The following CELF2 variants were observed in gnomAD, a reference collection of about 807,000 sequenced individuals.
CELF2 encodes the protein CUGBP Elav-like family member 2.
CELF2 carries 8 observed loss-of-function variants against 62.6 expected under a neutral mutation model. That is an observed-to-expected ratio of 0.13 (90% CI 0.07 to 0.23). The LOEUF is 0.23. Among genes scored for constraint, CELF2 ranks in the 10% least tolerant of loss-of-function variants. The probability of loss-of-function intolerance (pLI) is 1.00; values close to 1 mark genes in which losing one functional copy is unlikely to be tolerated. For missense variants in CELF2, 333 were observed against 671.0 expected, an observed-to-expected ratio of 0.50 and a Z score of 5.56; for synonymous variants, 258 against 250.0, an observed-to-expected ratio of 1.03 and a Z score of -0.30.
intron 1 of CELF2, among the ~76,000 whole-genome samples, chr10:10,911,218 T>C (rs777511806): frequency 7.9e-5 from 12 of 152,286 alleles, no homozygotes; most frequent in Non-Finnish European, 1.8e-4. Context: ...CCCTTACAGA[T>C]GCCAGCCAGG....
At chr10:10,581,348 C>T in the CELF2 span, among the ~76,000 whole-genome samples, 10 of 152,206 alleles carry the variant, frequency 6.6e-5, no homozygotes, top group South Asian at 2.1e-4. Flanking sequence ...TGAAAACTGC[C>T]GATTTTGATC....
chr10:11,311,198 G>A lies in CELF2; in HGVS notation c.977-2941G>A, dbSNP rs2140455731. Among the ~76,000 whole-genome samples, 1 of 152,254 alleles carries A rather than the reference G, an allele frequency of 6.6e-6. No homozygotes were observed. The highest frequency in any genetic ancestry group is 3.4e-3 in the Middle Eastern group (1 of 294). Reference sequence around the variant, plus strand: ...ATCTCAAAACATAGTGCTGGGTAGGGCCAGGGGAATTTCCCTCTGAGAATT... The same window carrying A: ...ATCTCAAAACATAGTGCTGGGTAGGACCAGGGGAATTTCCCTCTGAGAATT... On this transcript the variant is annotated intron_variant, in intron 9 of 12. Coordinates refer to ENST00000633077, the MANE Select transcript of CELF2 (RefSeq NM_001326342.2). This position sits in a 1 kb window ranked among gnomAD's most constrained non-coding sequence, Gnocchi z 4.7.
rs2094882401 is a variant in CELF2 at position 11,315,354 on chromosome 10, C to T, written c.1096+1096C>T. Among the ~76,000 whole-genome samples the T allele has an allele frequency of 6.6e-6, 1 of 152,044 alleles. No individual in the cohort carries two copies. The highest frequency in any genetic ancestry group is 1.5e-5 in the Non-Finnish European group (1 of 68,014). ...TAAAGGAGTCCGTGACAGTTGTTGC[C>T]CTATTTTAAGCCATGGTTCAATAAG... On this transcript the variant is annotated intron_variant, in intron 10 of 12. Coordinates refer to ENST00000633077, the MANE Select transcript of CELF2 (RefSeq NM_001326342.2). This position sits in a 1 kb window ranked among gnomAD's most constrained non-coding sequence, Gnocchi z 5.8.
chr10:10,945,472 G>A (rs377713974), intron 2 of CELF2, among the ~76,000 whole-genome samples: 4 of 152,156 alleles, frequency 2.6e-5, no homozygotes, highest in East Asian at 3.8e-4. Context: ...GCTCTGCACC[G>A]AGGCCTGTTT....
the CELF2 span, among the ~76,000 whole-genome samples, chr10:10,505,534 G>A: frequency 6.6e-6 from 1 of 152,122 alleles, no homozygotes; most frequent in South Asian, 2.1e-4. Context: ...AGGAGAAGAG[G>A]CAAAGGGAAA....
chr10:11,072,002 G>A (rs910089506), intron 1 of CELF2, among the ~76,000 whole-genome samples: 1 of 152,154 alleles, frequency 6.6e-6, no homozygotes, highest in Non-Finnish European at 1.5e-5. Flanking sequence ...AATTGGTGAC[G>A]ACACCGTGAG....
chr10:10,482,065 G>C, the CELF2 span, among the ~76,000 whole-genome samples: 1 of 152,128 alleles, frequency 6.6e-6, no homozygotes, highest in South Asian at 2.1e-4. Flanking sequence ...GCTATAATAG[G>C]TGAACAATAT....
At chr10:10,724,302 C>A in the CELF2 span, among the ~76,000 whole-genome samples, 1 of 152,146 alleles carries the variant, frequency 6.6e-6, no homozygotes, top group Non-Finnish European at 1.5e-5. Context: ...AAAGTGAAGG[C>A]CTCCTGGGCT....
intron 1 of CELF2, among the ~76,000 whole-genome samples, chr10:11,034,712 G>A (rs4372351): frequency 6.6e-6 from 1 of 151,914 alleles, no homozygotes; most frequent in African/African-American, 2.4e-5. Flanking sequence ...TGCTCCATTA[G>A]GTCAGGTTGA....
At chr10:10,552,270 T>C in the CELF2 span, among the ~76,000 whole-genome samples, 1 of 152,188 alleles carries the variant, frequency 6.6e-6, no homozygotes, top group Non-Finnish European at 1.5e-5. Context: ...TGGCAGCCCA[T>C]TGTTACAGAA....
At chr10:11,107,183 C>T (rs531119257) in intron 1 of CELF2, among the ~76,000 whole-genome samples, 13 of 152,322 alleles carry the variant, frequency 8.5e-5, no homozygotes, top group African/African-American at 2.9e-4. Flanking sequence ...AGAAGCAAGG[C>T]GGCCAACTCA....
intron 1 of CELF2, among the ~76,000 whole-genome samples, chr10:11,031,372 C>A (rs557110608): frequency 6.6e-6 from 1 of 152,226 alleles, no homozygotes; most frequent in Non-Finnish European, 1.5e-5. Flanking sequence ...AGGATCATTA[C>A]ACTTTCAGCC....
At chr10:11,233,388 C>G (rs921776878) in intron 3 of CELF2, among the ~76,000 whole-genome samples, 3 of 152,174 alleles carry the variant, frequency 2.0e-5, no homozygotes, top group South Asian at 4.2e-4. Context: ...GCCCCGAGTT[C>G]TGTTTTCACT....
rs145196462 is a variant in CELF2, at chr10:11,202,688, C to T, written c.272-14737C>T. Among the ~76,000 whole-genome samples the T allele has an allele frequency of 2.0e-4, 30 of 152,318 alleles. No individual in the cohort carries two copies. The East Asian group carries it at 5.8e-3, about 29-fold the overall frequency. ...TGGGGTAGCCACTGTTTAGACTTGC[C>T]TTAGCTATTGATCTTCTTGTTATCG... is the stretch of plus-strand genomic sequence containing the variant. On this transcript the variant is annotated intron_variant, in intron 2 of 12. Coordinates refer to ENST00000633077, the MANE Select transcript of CELF2 (RefSeq NM_001326342.2).
chr10:11,250,836 T>C (rs12220353), intron 4 of CELF2, among the ~76,000 whole-genome samples: 59,984 of 152,144 alleles, frequency 0.39, 12,907 homozygotes, highest in Non-Finnish European at 0.5. Context: ...AATGCCTCTA[T>C]GAAATGTTGA....
Position 11,010,791 on chromosome 10 carries a change from G to A in CELF2, c.53+5351G>A, listed in dbSNP as rs2056334745. On this transcript the variant is annotated intron_variant, in intron 1 of 12. Coordinates refer to the CELF2 transcript ENST00000416382. This position sits in a 1 kb window ranked among gnomAD's most constrained non-coding sequence, Gnocchi z 4.1. The stretch of plus-strand genomic sequence containing the variant: ...TGTGTCTCCTGGCTTTAACTAGCGA[G>A]GAAGTTGTACAATTCAGCGAGGAAC... 6.6e-6 allele frequency: 1 copy of A among 152,228 alleles called. No individual in the cohort carries two copies. Among genetic ancestry groups the A allele is most frequent in the African/African-American group, 2.4e-5 (1 of 41,458 alleles). The allele number at this position is 152,228 out of a possible 1,614,324, so 9.4% of individuals were successfully genotyped here.
chr10:10,767,933 T>C, the CELF2 span, among the ~76,000 whole-genome samples: 1 of 120,768 alleles, frequency 8.3e-6, no homozygotes, highest in African/African-American at 3.4e-5. Context: ...GAGGCGGAGC[T>C]TGCAGTGAGC....
the CELF2 span, among the ~76,000 whole-genome samples, chr10:10,496,861 G>C: frequency 1.8e-4 from 27 of 152,046 alleles, no homozygotes; most frequent in African/African-American, 6.5e-4. Flanking sequence ...AAGGAAGATG[G>C]TGGAAGAAAG....
chr10:11,201,214 C>G (rs2059144205), intron 2 of CELF2, among the ~76,000 whole-genome samples: 2 of 152,164 alleles, frequency 1.3e-5, no homozygotes, highest in South Asian at 4.1e-4. Context: ...TACTGTTTCA[C>G]CTGTATTTTC....
Sources: gnomAD v4.1 joint callset for allele counts (sites outside exome capture counted in the v4.1 genomes callset) on GRCh38, gnomAD v4.1.1 for gene constraint, Gnocchi (gnomAD v3.1) non-coding constraint, MANE v1.5 for transcripts, NCBI Gene and HGNC (gene_info 2026-07-23, HGNC 2026-07-21) for gene names.